Variants in DNAH7 observed in about 807,000 individuals in gnomAD.
The protein encoded by DNAH7 is dynein axonemal heavy chain 7, also known as axonemal beta dynein heavy chain 7.
DNAH7 carries 397 observed loss-of-function variants against 444.6 expected under a neutral mutation model. That is an observed-to-expected ratio of 0.89 (90% confidence interval 0.82 to 0.97). DNAH7 has a LOEUF of 0.97. Among genes scored for constraint, DNAH7 ranks in the 50% least tolerant of loss-of-function variants. The pLI is 0.00. For missense variants in DNAH7, 4,902 were observed against 4,800.8 expected, an observed-to-expected ratio of 1.02 and a Z score of -0.62; for synonymous variants, 1,636 against 1,624.4, an observed-to-expected ratio of 1.01 and a Z score of -0.17.
intron 36 of DNAH7, among the ~76,000 whole-genome samples, chr2:195,878,917 A>G (rs1701210417): frequency 6.6e-6 from 1 of 152,212 alleles, no homozygotes; most frequent in Non-Finnish European, 1.5e-5. Flanking sequence ...GAAGGAGGTC[A>G]ATGGATACTG....
intron 19 of DNAH7, among the ~76,000 whole-genome samples, chr2:195,941,176 G>A (rs182321104): frequency 5.3e-5 from 8 of 152,274 alleles, no homozygotes; most frequent in Admixed American, 5.2e-4. Flanking sequence ...TATACACCAT[G>A]GAATACTATG....
Position 195,857,687 on chromosome 2 carries a change from C to T in DNAH7, c.8104G>A (p.Ala2702Thr). 2 of 1,611,096 alleles carry T rather than the reference C, an allele frequency of 1.2e-6. No homozygotes were observed. The highest frequency in any genetic ancestry group is 1.1e-5 in the South Asian group (1 of 90,288). Residue 2702 changes from alanine (A) to threonine (T), a missense_variant, in exon 44 of 65, where the codon GCT (alanine) becomes ACT (threonine). Physicochemically the swap from Ala to Thr is moderately conservative, Grantham distance 58 (BLOSUM62 0). Transcript: ENST00000312428. ...GCTTCCATAACAAGCTTGACACCAG[C>T]AGGAGGACTCTTCATGGATTTTACC... Reference protein sequence around the residue: ...TVVKSMKSPPAGVKLVMEAIC... With the variant: ...TVVKSMKSPPTGVKLVMEAIC...
intron 43 of DNAH7, 87 bp downstream of exon 43, chr2:195,858,387 G>A: frequency 9.1e-7 from 1 of 1,097,584 alleles, no homozygotes; most frequent in Non-Finnish European, 1.2e-6. Flanking sequence ...CTAATTCGGA[G>A]AGACAAACTA....
chr2:196,056,393 C>G (rs1337146584), intron 2 of DNAH7, among the ~76,000 whole-genome samples: 1 of 143,046 alleles, frequency 7.0e-6, no homozygotes, highest in Admixed American at 7.2e-5. Context: ...TGCAGTGAGC[C>G]AAGATCATGC....
chr2:195,900,476 C>T lies in DNAH7; in HGVS notation c.4354G>A (p.Ala1452Thr). 1 of 1,613,840 alleles carries T rather than the reference C, an allele frequency of 6.2e-7. No individual in the cohort carries two copies. The highest frequency in any genetic ancestry group is 8.5e-7 in the Non-Finnish European group (1 of 1,179,830). Reference sequence around the variant, plus strand: ...ATGGCATAGTCAGGTACCATCATTGCTACTGTCCGAAAGAGAGCCTATGGG... The same window carrying T: ...ATGGCATAGTCAGGTACCATCATTGTTACTGTCCGAAAGAGAGCCTATGGG... ...DNLKALFRTV[A>T]MMVPDYAMIA... Residue 1452 changes from alanine (A) to threonine (T), a missense_variant, in exon 28 of 65, where the codon GCA becomes ACA. Transcript: ENST00000312428.
intron 24 of DNAH7, among the ~76,000 whole-genome samples, chr2:195,912,587 C>T (rs1413975676): frequency 2.6e-5 from 4 of 152,066 alleles, no homozygotes; most frequent in African/African-American, 4.8e-5. Flanking sequence ...GCGGCCAGCC[C>T]GAGAAGGCAT....
intron 5 of DNAH7, among the ~76,000 whole-genome samples, chr2:196,039,151 T>C (rs1051874541): frequency 2.0e-5 from 3 of 151,816 alleles, no homozygotes; most frequent in Admixed American, 6.6e-5. Flanking sequence ...TCTCAGCAAA[T>C]GTAAAAAAAA....
At position 196,024,517 on chromosome 2, in the gene DNAH7, T is replaced by A; in HGVS notation, c.668-13A>T. The A allele has an allele frequency of 6.7e-7, 1 of 1,502,868 alleles. No homozygotes were observed. Among genetic ancestry groups the A allele is most frequent in the East Asian group, 2.4e-5 (1 of 41,074 alleles). The allele number at this position is 1,502,868 out of a possible 1,614,324, so 93.1% of individuals were successfully genotyped here. A position where few individuals can be genotyped will look rare whatever the true frequency, so the allele number is the denominator to read the frequency against. On this transcript the variant is annotated splice_polypyrimidine_tract_variant and intron_variant, in intron 7 of 64. Transcript: ENST00000312428. ...AAAACAAAATCAACTAAAAGAAAAT[T>A]TTAAAATTCTGATAAATAACCTTAT...
chr2:195,973,523 G>A (rs1265781420), intron 15 of DNAH7, among the ~76,000 whole-genome samples: 1 of 152,096 alleles, frequency 6.6e-6, no homozygotes, highest in Admixed American at 6.6e-5. Flanking sequence ...CCAGACTGGA[G>A]TACAGTGGCA....
At chr2:195,933,214 C>A (rs1215200098) in intron 21 of DNAH7, among the ~76,000 whole-genome samples, 2 of 152,148 alleles carry the variant, frequency 1.3e-5, no homozygotes, top group African/African-American at 4.8e-5. Flanking sequence ...CCATCTCACA[C>A]CAGTTAGAAT....
chr2:196,019,068 A>G, intron 9 of DNAH7, 102 bp downstream of exon 9: 1 of 1,174,614 alleles, frequency 8.5e-7, no homozygotes. Context: ...TAAAATGGTA[A>G]TGTTTTACTT....
chr2:195,752,594 G>C (rs961372128), intron 63 of DNAH7, among the ~76,000 whole-genome samples: 2 of 152,118 alleles, frequency 1.3e-5, no homozygotes, highest in Admixed American at 1.3e-4. Context: ...GATGCTATCA[G>C]AAAAGAGAAA....
intron 40 of DNAH7, among the ~76,000 whole-genome samples, chr2:195,867,685 T>C (rs76862445): frequency 0.018 from 2,805 of 152,340 alleles, 80 homozygotes; most frequent in African/African-American, 0.063. Context: ...AATCATATCA[T>C]AGGTGACCTT....
rs995607221 is a variant in DNAH7, at chr2:195,816,785, C to G, written c.9604G>C (p.Gly3202Arg). 3.7e-6 allele frequency: 6 copies of G among 1,614,090 alleles called. No homozygotes were observed. Among genetic ancestry groups the G allele is most frequent in the Non-Finnish European group, 5.1e-6 (6 of 1,179,994 alleles). The change falls in exon 51 of 65, where the codon GGC (glycine) becomes CGC (arginine). Residue 3202 changes from glycine to arginine, a missense_variant. By Grantham distance (125) the Gly-to-Arg change is moderately radical. Transcript: ENST00000312428. ...GAATGGATGGCAATAGGACGATAGC[C>G]CATGCGGGTGGTGTCAATCTTTTTC... is the stretch of plus-strand genomic sequence containing the variant. ...TEKKIDTTRMGYRPIAIHSSI... is the reference protein window; with the variant it reads ...TEKKIDTTRMRYRPIAIHSSI...
intron 57 of DNAH7, among the ~76,000 whole-genome samples, chr2:195,793,054 C>T (rs1009981667): frequency 9.2e-5 from 14 of 152,080 alleles, no homozygotes; most frequent in South Asian, 6.2e-4. Flanking sequence ...CTCAGCCTCT[C>T]GAGTAGCTGG....
intron 48 of DNAH7, among the ~76,000 whole-genome samples, chr2:195,829,567 A>G (rs1212054034): frequency 2.0e-5 from 3 of 152,092 alleles, no homozygotes; most frequent in African/African-American, 7.2e-5. Flanking sequence ...AAGGAAGATT[A>G]TAACGTTTCA....
intron 16 of DNAH7, among the ~76,000 whole-genome samples, chr2:195,971,976 T>C (rs1574918572): frequency 1.3e-5 from 2 of 152,304 alleles, no homozygotes; most frequent in South Asian, 2.1e-4. Flanking sequence ...ATGCATGATA[T>C]ATTCCATTTT....
At chr2:195,775,177 A>C (rs780355177) in intron 60 of DNAH7, among the ~76,000 whole-genome samples, 1 of 152,224 alleles carries the variant, frequency 6.6e-6, no homozygotes, top group Non-Finnish European at 1.5e-5. Context: ...TTCTTCATTA[A>C]AATGTACTGA....
At chr2:196,031,511 G>A (rs111471793) in intron 5 of DNAH7, among the ~76,000 whole-genome samples, 11,711 of 152,076 alleles carry the variant, frequency 0.077, 519 homozygotes, top group African/African-American at 0.12. Flanking sequence ...TTTTCCTATC[G>A]TATCGTCAGG....
Sources: gnomAD v4.1 joint callset for allele counts (sites outside exome capture counted in the v4.1 genomes callset) on GRCh38, gnomAD v4.1.1 for gene constraint, MANE v1.5 for transcripts, NCBI Gene and HGNC (gene_info 2026-07-23, HGNC 2026-07-21) for gene names.